Variants in SRGAP3 observed in about 807,000 individuals in gnomAD.
SRGAP3 encodes SLIT-ROBO Rho GTPase-activating protein 3.
In SRGAP3, 39 loss-of-function variants were observed where a neutral mutation model predicts 121.1. The observed-to-expected ratio is 0.32, with a 90% CI of 0.25 to 0.42. The LOEUF is 0.42. Among genes scored for constraint, SRGAP3 ranks in the 10% least tolerant of loss-of-function variants. SRGAP3 has a pLI of 1.00. For synonymous variants in SRGAP3, 601 were observed against 570.0 expected, an observed-to-expected ratio of 1.05 and a Z score of -0.77; for missense variants, 1,213 against 1,470.6, an observed-to-expected ratio of 0.82 and a Z score of 2.86.
chr3:9,283,967 G>T (rs1469954539), intron 3 of SRGAP3, among the ~76,000 whole-genome samples: 1 of 152,112 alleles, frequency 6.6e-6, no homozygotes, highest in African/African-American at 2.4e-5. Context: ...GAATTATTTT[G>T]CATTGCCATC....
intron 1 of SRGAP3, among the ~76,000 whole-genome samples, chr3:9,334,608 A>G (rs560763933): frequency 4.6e-5 from 7 of 152,280 alleles, no homozygotes; most frequent in African/African-American, 1.7e-4. Flanking sequence ...TTTGCAGATA[A>G]TATTCTCATA....
At chr3:9,126,466 C>T (rs2124990083) in intron 1 of SRGAP3, among the ~76,000 whole-genome samples, 1 of 152,130 alleles carries the variant, frequency 6.6e-6, no homozygotes, top group East Asian at 1.9e-4. Context: ...CCTGTCTCTA[C>T]TAAAAATACA....
At chr3:9,326,273 G>A (rs767947011) in intron 2 of SRGAP3, 1 of 151,830 alleles carries the variant, frequency 6.6e-6, no homozygotes, top group Non-Finnish European at 1.5e-5. Flanking sequence ...CAGCCCTCTT[G>A]CATGGGAAAG....
chr3:9,080,935 C>T (rs1202159840), intron 3 of SRGAP3, among the ~76,000 whole-genome samples: 2 of 152,102 alleles, frequency 1.3e-5, no homozygotes, highest in African/African-American at 4.8e-5. Flanking sequence ...TATTACAATG[C>T]AATAATACAG....
At chr3:9,268,075 G>A (rs1262404626) in intron 3 of SRGAP3, among the ~76,000 whole-genome samples, 1 of 152,156 alleles carries the variant, frequency 6.6e-6, no homozygotes, top group Non-Finnish European at 1.5e-5. Flanking sequence ...AACAACCCAG[G>A]AGAAACTGAA....
chr3:9,307,418 C>A (rs372942634), intron 3 of SRGAP3, among the ~76,000 whole-genome samples: 1 of 152,186 alleles, frequency 6.6e-6, no homozygotes, highest in African/African-American at 2.4e-5. Flanking sequence ...AGTAATGACA[C>A]CAAGCCTGGT....
intron 3 of SRGAP3, among the ~76,000 whole-genome samples, chr3:9,323,382 G>T (rs1451590259): frequency 1.3e-5 from 2 of 151,906 alleles, no homozygotes; most frequent in Non-Finnish European, 1.5e-5. Flanking sequence ...CTGTGTTAAA[G>T]TGAAATAAGA....
At chr3:9,169,960 G>T (rs1575178485) in intron 1 of SRGAP3, among the ~76,000 whole-genome samples, 1 of 152,126 alleles carries the variant, frequency 6.6e-6, no homozygotes, top group Non-Finnish European at 1.5e-5. Context: ...GGGCTGGGTT[G>T]GAGTTTCTTC....
rs190127180 is a variant in SRGAP3, at chr3:9,086,139, G to T, written c.424-6052C>A. 2.6e-5 allele frequency among the ~76,000 whole-genome samples: 4 copies of T among 152,324 alleles called. No homozygotes were observed. The East Asian group carries it at 7.7e-4, about 29-fold the overall frequency. On this transcript the variant is annotated intron_variant, in intron 3 of 21. Coordinates refer to ENST00000383836, the MANE Select transcript of SRGAP3 (RefSeq NM_014850.4). ...GCTAAATTCAGATGTCCCAGGGTCTGCTTCCTGGGGGACCCAATCTGCAAT... is the reference window on the plus strand; with the variant it reads ...GCTAAATTCAGATGTCCCAGGGTCTTCTTCCTGGGGGACCCAATCTGCAAT...
intron 19 of SRGAP3, chr3:8,993,834 G>T (rs1388622411): frequency 5.9e-6 from 1 of 170,226 alleles, no homozygotes; most frequent in East Asian, 1.6e-4. Context: ...GCTTTCAAAG[G>T]AATGGAAAGT....
intron 1 of SRGAP3, among the ~76,000 whole-genome samples, chr3:9,134,791 G>A (rs920614959): frequency 1.3e-5 from 2 of 152,256 alleles, no homozygotes; most frequent in African/African-American, 4.8e-5. Context: ...ATGCATCCCA[G>A]TGCATCCTGA....
chr3:9,224,983 C>T (rs1300208676), intron 1 of SRGAP3, among the ~76,000 whole-genome samples: 7 of 152,160 alleles, frequency 4.6e-5, no homozygotes, highest in African/African-American at 1.7e-4. Context: ...ACAGGCAGGC[C>T]TCACTCCCCT....
upstream of SRGAP3, among the ~76,000 whole-genome samples, chr3:9,251,764 T>C (rs1355520395): frequency 1.3e-5 from 2 of 152,232 alleles, no homozygotes; most frequent in African/African-American, 2.4e-5. Flanking sequence ...AAAGATGGTA[T>C]AGCGCTCTGA....
chr3:9,298,222 G>A (rs1318320284), intron 3 of SRGAP3, among the ~76,000 whole-genome samples: 1 of 152,194 alleles, frequency 6.6e-6, no homozygotes, highest in African/African-American at 2.4e-5. Context: ...GTGGAGAAAT[G>A]TACTTACCAT....
chr3:9,249,252 A>C lies in SRGAP3; in HGVS notation c.-301T>G. 1 of 490,084 alleles carries C rather than the reference A, an allele frequency of 2.0e-6. No individual in the cohort carries two copies. The highest frequency in any genetic ancestry group is 2.1e-5 in the South Asian group (1 of 47,236). The allele number at this position is 490,084 out of a possible 1,614,324, so 30.4% of individuals were successfully genotyped here. On this transcript the variant is annotated 5_prime_UTR_variant, in exon 1 of 22. Transcript: ENST00000383836. ...ATTTTCAAAGATTTTTCTTCCAAAA[A>C]TAATAATAATAGTAATAACCAAGCG...
chr3:9,318,482 T>C (rs1441227978), intron 3 of SRGAP3, among the ~76,000 whole-genome samples: 2 of 151,878 alleles, frequency 1.3e-5, no homozygotes, highest in Non-Finnish European at 1.5e-5. Context: ...GTGGAATGTT[T>C]GCTAGTCTGA....
At chr3:9,136,796 T>C (rs768103467) in intron 1 of SRGAP3, among the ~76,000 whole-genome samples, 1 of 152,182 alleles carries the variant, frequency 6.6e-6, no homozygotes, top group Non-Finnish European at 1.5e-5. Context: ...CCTGGGTCTA[T>C]CCCTGATCCC....
chr3:9,316,425 G>A (rs931640890), intron 3 of SRGAP3, among the ~76,000 whole-genome samples: 50 of 151,640 alleles, frequency 3.3e-4, no homozygotes, highest in African/African-American at 1.2e-3. Context: ...TTGGGAGGCC[G>A]AGGCGGGTGG....
chr3:9,151,365 G>A (rs990684366), intron 1 of SRGAP3, among the ~76,000 whole-genome samples: 7 of 152,320 alleles, frequency 4.6e-5, no homozygotes, highest in Admixed American at 1.3e-4. Context: ...TGTGGAGAAC[G>A]TGGAAGGGCA....
Sources: gnomAD v4.1 joint callset for allele counts (sites outside exome capture counted in the v4.1 genomes callset) on GRCh38, gnomAD v4.1.1 for gene constraint, MANE v1.5 for transcripts, NCBI Gene and HGNC (gene_info 2026-07-23, HGNC 2026-07-21) for gene names.